KATNIP: variants seen among roughly 807,000 people sequenced by gnomAD.
KATNIP encodes the protein katanin-interacting protein.
KATNIP carries 126 observed loss-of-function variants against 174.0 expected under a neutral mutation model. The observed-to-expected ratio is 0.72, with a 90% CI of 0.63 to 0.84. The LOEUF (loss-of-function observed/expected upper bound fraction) is 0.84. Ranked by LOEUF, KATNIP falls within the 40% of genes least tolerant of loss-of-function variation. The pLI, the probability that KATNIP is intolerant of heterozygous loss-of-function variation, is 0.00. For synonymous variants in KATNIP, 810 were observed against 835.7 expected (o/e 0.97, Z 0.53); for missense variants, 1,958 against 2,109.7 (o/e 0.93, Z 1.41).
Position 27,773,179 on chromosome 16 carries a change from C to A in KATNIP, c.4279C>A (p.Arg1427=), listed in dbSNP as rs1449567969. Residue 1427 remains arginine (R), a synonymous_variant, in exon 23 of 28, where the codon CGA becomes AGA. Transcript: ENST00000261588. ...GLTGLELYDE[R]GEKIPLSENN... is the part of the protein sequence containing the mutation. ...CACCGGCCTGGAGCTGTATGACGAG[C>A]GAGGAGAAAAAATCCCCTTGTCGGA... 1 of 1,611,442 alleles carries A rather than the reference C, an allele frequency of 6.2e-7. No individual in the cohort carries two copies. The highest frequency in any genetic ancestry group is 2.2e-5 in the East Asian group (1 of 44,866).
intron 22 of KATNIP, among the ~76,000 whole-genome samples, chr16:27,772,233 C>G (rs1448678814): frequency 6.6e-6 from 1 of 152,206 alleles, no homozygotes; most frequent in Admixed American, 6.5e-5. Flanking sequence ...GATTGCACCA[C>G]TGTACTTTAG....
At chr16:27,613,692 A>G (rs2142030057) in intron 2 of KATNIP, among the ~76,000 whole-genome samples, 1 of 152,302 alleles carries the variant, frequency 6.6e-6, no homozygotes, top group East Asian at 1.9e-4. Context: ...AGAATCGTGT[A>G]TATGGAAATG....
chr16:27,734,389 C>G (rs1223421599), intron 14 of KATNIP, among the ~76,000 whole-genome samples: 2 of 119,288 alleles, frequency 1.7e-5, no homozygotes, highest in Admixed American at 9.4e-5. Flanking sequence ...CCCATAGGGA[C>G]TTATTTAAAA....
At chr16:27,633,089 C>G (rs1002759624) in intron 5 of KATNIP, among the ~76,000 whole-genome samples, 3 of 152,024 alleles carry the variant, frequency 2.0e-5, no homozygotes, top group African/African-American at 7.3e-5. Flanking sequence ...GAAAAGAAAG[C>G]CTCCTGGCGG....
intron 14 of KATNIP, among the ~76,000 whole-genome samples, chr16:27,725,800 G>A (rs761088325): frequency 2.0e-5 from 3 of 152,160 alleles, no homozygotes; most frequent in Non-Finnish European, 4.4e-5. Context: ...GCGTCACCAC[G>A]CAAGTGCCGC....
Position 27,680,570 on chromosome 16 carries a change from G to A in KATNIP, c.809-829G>A, listed in dbSNP as rs142296286. Among the ~76,000 whole-genome samples the A allele has an allele frequency of 4.0e-3, 604 of 152,284 alleles. 6 individuals carry two copies. The highest frequency in any genetic ancestry group is 5.8e-3 in the Non-Finnish European group (397 of 68,030). On this transcript the variant is annotated intron_variant, in intron 7 of 27. Transcript: ENST00000261588. ...GAGATAAGGTCTTGCCCTGTCACCCGGGCTGAAGTGCAGTGGCACTATCAT... is the reference window on the plus strand; with the variant it reads ...GAGATAAGGTCTTGCCCTGTCACCCAGGCTGAAGTGCAGTGGCACTATCAT...
At position 27,766,265 on chromosome 16, in the gene KATNIP, G is replaced by A. The variant is rs1318312769; in HGVS notation, c.3810-44G>A. 11 of 1,603,726 alleles carry A rather than the reference G, an allele frequency of 6.9e-6. No homozygotes were observed. In the African/African-American group the frequency reaches 1.5e-4, roughly 21 times the overall value. On this transcript the variant is annotated intron_variant, in intron 19 of 27. Coordinates refer to ENST00000261588, the MANE Select transcript of KATNIP (RefSeq NM_015202.5). Reference sequence around the variant, plus strand: ...GGGGCCCCACTGTGATGCCTCCTGTGCCCACTGAGCCGCCCCCCTGCCGCT... The same window carrying A: ...GGGGCCCCACTGTGATGCCTCCTGTACCCACTGAGCCGCCCCCCTGCCGCT...
At chr16:27,651,894 A>G (rs2077132030) in intron 6 of KATNIP, among the ~76,000 whole-genome samples, 1 of 152,040 alleles carries the variant, frequency 6.6e-6, no homozygotes, top group South Asian at 2.1e-4. Context: ...TAATTTTTGT[A>G]TTTTTAGTAG....
At chr16:27,705,797 T>C (rs2079275434) in intron 12 of KATNIP, among the ~76,000 whole-genome samples, 1 of 152,258 alleles carries the variant, frequency 6.6e-6, no homozygotes, top group East Asian at 1.9e-4. Flanking sequence ...CACCTTGGCC[T>C]CCTGAGTAGC....
intron 6 of KATNIP, among the ~76,000 whole-genome samples, chr16:27,667,686 G>A (rs181710437): frequency 1.3e-5 from 2 of 152,242 alleles, no homozygotes; most frequent in East Asian, 1.9e-4. Context: ...TGGCTTCATG[G>A]TCTAAGCATC....
intron 6 of KATNIP, among the ~76,000 whole-genome samples, chr16:27,666,924 G>C (rs79712317): frequency 0.018 from 2,742 of 152,224 alleles, 63 homozygotes; most frequent in East Asian, 0.09. Flanking sequence ...GATTACATAA[G>C]AGATGTTGCC....
intron 16 of KATNIP, 68 bp from the exon 17 acceptor site, chr16:27,751,651 G>A: frequency 6.8e-7 from 1 of 1,478,606 alleles, no homozygotes; most frequent in Non-Finnish European, 9.4e-7. Flanking sequence ...ATGGGTTTAG[G>A]CTCTTGATCT....
chr16:27,772,591 C>A (rs940343897), intron 22 of KATNIP, among the ~76,000 whole-genome samples: 1 of 152,200 alleles, frequency 6.6e-6, no homozygotes, highest in Non-Finnish European at 1.5e-5. Context: ...TGGCCCCTGG[C>A]GCTGTGAGGT....
intron 1 of KATNIP, among the ~76,000 whole-genome samples, chr16:27,552,629 T>C (rs1326248557): frequency 6.6e-6 from 1 of 151,420 alleles, no homozygotes; most frequent in Non-Finnish European, 1.5e-5. Flanking sequence ...CCTGCCTCCA[T>C]TTCCCAAAGT....
intron 2 of KATNIP, among the ~76,000 whole-genome samples, chr16:27,592,277 T>C: frequency 7.8e-6 from 1 of 127,748 alleles, no homozygotes; most frequent in Non-Finnish European, 1.6e-5. Flanking sequence ...TTACTTTTTT[T>C]TTTTTTTTTT....
At chr16:27,750,391 G>T (rs1322771376) in intron 16 of KATNIP, 85 bp downstream of exon 16, 19 of 1,291,320 alleles carry the variant, frequency 1.5e-5, no homozygotes, top group Non-Finnish European at 2.0e-5. Flanking sequence ...CAGCTGGCTA[G>T]CCAACAACAG....
At chr16:27,594,066 G>C (rs537743567) in intron 2 of KATNIP, among the ~76,000 whole-genome samples, 3 of 151,254 alleles carry the variant, frequency 2.0e-5, no homozygotes, top group Non-Finnish European at 2.9e-5. Flanking sequence ...ACCAGCCTGG[G>C]CAACATGGCA....
At chr16:27,747,505 G>A (rs888488697) in intron 15 of KATNIP, among the ~76,000 whole-genome samples, 12 of 152,046 alleles carry the variant, frequency 7.9e-5, no homozygotes, top group African/African-American at 2.7e-4. Context: ...CTCTCTATAG[G>A]GTAGCAAGAT....
chr16:27,586,862 A>G (rs1373976251), intron 2 of KATNIP, among the ~76,000 whole-genome samples: 4 of 151,234 alleles, frequency 2.6e-5, no homozygotes, highest in East Asian at 1.9e-4. Flanking sequence ...AAAAACAGAA[A>G]CTGAAATAAG....
Sources: allele counts gnomAD v4.1 joint callset (sites outside exome capture counted in the v4.1 genomes callset), GRCh38; gene constraint gnomAD v4.1.1; transcripts MANE v1.5; gene names NCBI Gene and HGNC (gene_info 2026-07-23, HGNC 2026-07-21).